The following IFNA5 variants were observed in gnomAD, a reference collection of about 807,000 sequenced individuals.
IFNA5 encodes the protein interferon alpha 5.
For missense variants in IFNA5, 267 were observed against 213.8 expected, an observed-to-expected ratio of 1.25 and a Z score of -1.55; for synonymous variants, 95 against 77.6, an observed-to-expected ratio of 1.22 and a Z score of -1.18.
At position 21,305,077 on chromosome 9, in the gene IFNA5, T is replaced by C; in HGVS notation, c.180A>G (p.Gly60=). Residue 60 remains glycine (G), a synonymous_variant, in exon 1 of 1, where the codon GGA becomes GGG. Coordinates refer to ENST00000610521, the MANE Select transcript of IFNA5 (RefSeq NM_002169.3). Reference sequence around the variant, plus strand: ...TGCCATCAAACTCCTCCTGAGGAAATCCAAAGTCATGTCTGTCCTTCAGGC... The same window carrying C: ...TGCCATCAAACTCCTCCTGAGGAAACCCAAAGTCATGTCTGTCCTTCAGGC... ...FSCLKDRHDF[G]FPQEEFDGNQ... is the part of the protein sequence containing the mutation. The C allele has an allele frequency of 6.2e-7, 1 of 1,614,210 alleles. No individual in the cohort carries two copies. The highest frequency in any genetic ancestry group is 8.5e-7 in the Non-Finnish European group (1 of 1,180,038).
chr9:21,304,577 T>A lies in IFNA5; in HGVS notation c.*110A>T. 1 of 1,302,700 alleles carries A rather than the reference T, an allele frequency of 7.7e-7. No individual in the cohort carries two copies. 80.7% of individuals were successfully genotyped at this position (1,302,700 alleles called of 1,614,324 possible). On this transcript the variant is annotated 3_prime_UTR_variant, in exon 1 of 1. Transcript: ENST00000610521. Reference sequence around the variant, plus strand: ...CGTGTGAAACGTTTGAAAATTTTGATTCAACTCAAGTCATGGATATAGCAG... The same window carrying A: ...CGTGTGAAACGTTTGAAAATTTTGAATCAACTCAAGTCATGGATATAGCAG...
Position 21,304,982 on chromosome 9 carries a change from C to A in IFNA5, c.275G>T (p.Ser92Ile). The A allele has an allele frequency of 6.2e-7, 1 of 1,614,120 alleles. No homozygotes were observed. The highest frequency in any genetic ancestry group is 1.6e-4 in the Middle Eastern group (1 of 6,062). ...EMIQQTFNLF[S>I]TKDSSATWDE... ...CCAAGTAGCAGATGAGTCCTTTGTGCTGAAGAGATTGAAGGTCTGCTGGAT... is the reference window on the plus strand; with the variant it reads ...CCAAGTAGCAGATGAGTCCTTTGTGATGAAGAGATTGAAGGTCTGCTGGAT... Residue 92 changes from serine to isoleucine, a missense_variant, in exon 1 of 1, where the codon AGC (serine) becomes ATC (isoleucine). Transcript: ENST00000610521.
chr9:21,305,271 A>G lies in IFNA5; in HGVS notation c.-15T>C. ...GGCAAGGCCATTGGGGAGGTTGCAGATGCTTCTGGGCTGTTGAGATTGAGT... is the reference window on the plus strand; with the variant it reads ...GGCAAGGCCATTGGGGAGGTTGCAGGTGCTTCTGGGCTGTTGAGATTGAGT... On this transcript the variant is annotated 5_prime_UTR_variant, in exon 1 of 1. Transcript: ENST00000610521. The G allele has an allele frequency of 6.4e-7, 1 of 1,573,778 alleles. No individual in the cohort carries two copies. Among genetic ancestry groups the G allele is most frequent in the Non-Finnish European group, 8.6e-7 (1 of 1,162,722 alleles).
Position 21,304,471 on chromosome 9 carries a change from A to T in IFNA5, c.*216T>A, listed in dbSNP as rs1383808612. On this transcript the variant is annotated 3_prime_UTR_variant, in exon 1 of 1. Transcript: ENST00000610521. The stretch of plus-strand genomic sequence containing the variant: ...GATTAGATAGAAGACAGACAGATAG[A>T]TAAATAGATAGAATAGATAGATTGG... 2 of 322,884 alleles carry T rather than the reference A, an allele frequency of 6.2e-6. No homozygotes were observed. Among genetic ancestry groups the T allele is most frequent in the African/African-American group, 4.3e-5 (2 of 46,078 alleles). 20.0% of individuals were successfully genotyped at this position (322,884 alleles called of 1,614,324 possible).
chr9:21,304,738 T>A lies in IFNA5; in HGVS notation c.519A>T (p.Arg173Ser). 1 of 1,613,496 alleles carries A rather than the reference T, an allele frequency of 6.2e-7. No homozygotes were observed. Among genetic ancestry groups the A allele is most frequent in the East Asian group, 2.2e-5 (1 of 44,886 alleles). ...GCAAGTTTGCTGATAAAGAGAAGGA[T>A]CTCATGATTTCTGCTCTGACAACCT... ...AWEVVRAEIM[R>S]SFSLSANLQE... The change falls in exon 1 of 1, where the codon AGA becomes AGT. Residue 173 changes from arginine (R) to serine (S), a missense_variant. Arg to Ser is a moderately radical substitution (Grantham distance 110). Coordinates refer to ENST00000610521, the MANE Select transcript of IFNA5 (RefSeq NM_002169.3).
chr9:21,305,248 C>T lies in IFNA5; in HGVS notation c.9G>A (p.Leu3=). The T allele has an allele frequency of 6.3e-7, 1 of 1,593,222 alleles. No homozygotes were observed. The highest frequency in any genetic ancestry group is 8.5e-7 in the Non-Finnish European group (1 of 1,171,058). ...CCAGGGCCATCAGTAAAACAAAGGG[C>T]AAGGCCATTGGGGAGGTTGCAGATG... is the stretch of plus-strand genomic sequence containing the variant. MA[L]PFVLLMALVV... is the part of the protein sequence containing the mutation. Residue 3 remains leucine (L), a synonymous_variant, in exon 1 of 1, where the codon TTG becomes TTA. Coordinates refer to ENST00000610521, the MANE Select transcript of IFNA5 (RefSeq NM_002169.3).
At position 21,304,496 on chromosome 9, in the gene IFNA5, G is replaced by A. The variant is rs1042258290; in HGVS notation, c.*191C>T. On this transcript the variant is annotated 3_prime_UTR_variant, in exon 1 of 1. Transcript: ENST00000610521. ...ATAAATAGATAGAATAGATAGATTG[G>A]CATGATCATCTGTAAAGATTTTGTC... 1.1e-4 allele frequency: 56 copies of A among 502,100 alleles called. No individual in the cohort carries two copies. The highest frequency in any genetic ancestry group is 7.0e-4 in the South Asian group (24 of 34,080). The allele number at this position is 502,100 out of a possible 1,614,324, so 31.1% of individuals were successfully genotyped here. A position where few individuals can be genotyped will look rare whatever the true frequency, so the allele number is the denominator to read the frequency against.
Position 21,305,188 on chromosome 9 carries a change from G to A in IFNA5, c.69C>T (p.Gly23=). The A allele has an allele frequency of 6.2e-7, 1 of 1,613,366 alleles. No homozygotes were observed. The highest frequency in any genetic ancestry group is 2.2e-5 in the East Asian group (1 of 44,882). ...VLNCKSICSL[G]CDLPQTHSLS... is the part of the protein sequence containing the mutation. ...GGCTGTGGGTCTGAGGCAGATCACA[G>A]CCCAGAGAACAGATTGACTTGCAGT... is the stretch of plus-strand genomic sequence containing the variant. The change falls in exon 1 of 1, where the codon GGC becomes GGT. Residue 23 remains glycine (G), a synonymous_variant. Coordinates refer to ENST00000610521, the MANE Select transcript of IFNA5 (RefSeq NM_002169.3).
At position 21,305,069 on chromosome 9, in the gene IFNA5, T is replaced by C. The variant is rs747500740; in HGVS notation, c.188A>G (p.Gln63Arg). The C allele has an allele frequency of 9.3e-6, 15 of 1,614,090 alleles. No homozygotes were observed. Among genetic ancestry groups the C allele is most frequent in the Non-Finnish European group, 1.0e-5 (12 of 1,180,032 alleles). The part of the protein sequence containing the change: ...LKDRHDFGFP[Q>R]EEFDGNQFQK... Reference sequence around the variant, plus strand: ...GAACTGGTTGCCATCAAACTCCTCCTGAGGAAATCCAAAGTCATGTCTGTC... The same window carrying C: ...GAACTGGTTGCCATCAAACTCCTCCCGAGGAAATCCAAAGTCATGTCTGTC... Residue 63 changes from glutamine to arginine, a missense_variant, in exon 1 of 1, where the codon CAG (glutamine) becomes CGG (arginine). Coordinates refer to ENST00000610521, the MANE Select transcript of IFNA5 (RefSeq NM_002169.3).
chr9:21,304,866 C>T lies in IFNA5; in HGVS notation c.391G>A (p.Asp131Asn), dbSNP rs770468406. 15 of 1,614,048 alleles carry T rather than the reference C, an allele frequency of 9.3e-6. No homozygotes were observed. The change falls in exon 1 of 1, where the codon GAC becomes AAC. Residue 131 changes from aspartate (D) to asparagine (N), a missense_variant. Physicochemically the swap from Asp to Asn is conservative, Grantham distance 23. Transcript: ENST00000610521. ...GAGTCCACATTCATCAGAGGAGTGT[C>T]TTCCACTCCAACCTCCTGCATCATA... ...ACMMQEVGVEDTPLMNVDSIL... is the reference protein window; with the variant it reads ...ACMMQEVGVENTPLMNVDSIL...
Position 21,304,767 on chromosome 9 carries a change from A to G in IFNA5, c.490T>C (p.Trp164Arg), listed in dbSNP as rs931820018. The G allele has an allele frequency of 1.2e-6, 2 of 1,614,012 alleles. No individual in the cohort carries two copies. Among genetic ancestry groups the G allele is most frequent in the Non-Finnish European group, 1.7e-6 (2 of 1,180,024 alleles). The change falls in exon 1 of 1, where the codon TGG becomes CGG. Residue 164 changes from tryptophan (W) to arginine (R), a missense_variant. Physicochemically the swap from Trp to Arg is moderately radical, Grantham distance 101. Transcript: ENST00000610521. ...LTEKKYSPCAWEVVRAEIMRS... is the reference protein window; with the variant it reads ...LTEKKYSPCAREVVRAEIMRS... ...ATGATTTCTGCTCTGACAACCTCCC[A>G]TGCACAAGGGCTGTATTTCTTCTCT...
Position 21,304,975 on chromosome 9 carries a change from C to G in IFNA5, c.282G>C (p.Lys94Asn). 3 of 1,614,122 alleles carry G rather than the reference C, an allele frequency of 1.9e-6. No homozygotes were observed. The highest frequency in any genetic ancestry group is 2.5e-6 in the Non-Finnish European group (3 of 1,180,016). ...TCTCATCCCAAGTAGCAGATGAGTC[C>G]TTTGTGCTGAAGAGATTGAAGGTCT... ...IQQTFNLFST[K>N]DSSATWDETL... The change falls in exon 1 of 1, where the codon AAG becomes AAC. Residue 94 changes from lysine (K) to asparagine (N), a missense_variant. By Grantham distance (94) the Lys-to-Asn change is moderately conservative. Coordinates refer to ENST00000610521, the MANE Select transcript of IFNA5 (RefSeq NM_002169.3).
Position 21,305,083 on chromosome 9 carries a change from G to A in IFNA5, c.174C>T (p.Asp58=). The A allele has an allele frequency of 3.1e-6, 5 of 1,614,222 alleles. No individual in the cohort carries two copies. Among genetic ancestry groups the A allele is most frequent in the Non-Finnish European group, 4.2e-6 (5 of 1,180,044 alleles). Residue 58 remains aspartate (D), a synonymous_variant, in exon 1 of 1, where the codon GAC becomes GAT. Coordinates refer to ENST00000610521, the MANE Select transcript of IFNA5 (RefSeq NM_002169.3). ...CAAACTCCTCCTGAGGAAATCCAAAGTCATGTCTGTCCTTCAGGCAGGAGA... is the reference window on the plus strand; with the variant it reads ...CAAACTCCTCCTGAGGAAATCCAAAATCATGTCTGTCCTTCAGGCAGGAGA... ...SPFSCLKDRH[D]FGFPQEEFDG...
chr9:21,305,191 C>G lies in IFNA5; in HGVS notation c.66G>C (p.Leu22=). 1 of 1,612,868 alleles carries G rather than the reference C, an allele frequency of 6.2e-7. No individual in the cohort carries two copies. Among genetic ancestry groups the G allele is most frequent in the Non-Finnish European group, 8.5e-7 (1 of 1,179,436 alleles). Residue 22 remains leucine (L), a synonymous_variant, in exon 1 of 1, where the codon CTG becomes CTC. Transcript: ENST00000610521. Reference sequence around the variant, plus strand: ...TGTGGGTCTGAGGCAGATCACAGCCCAGAGAACAGATTGACTTGCAGTTGA... The same window carrying G: ...TGTGGGTCTGAGGCAGATCACAGCCGAGAGAACAGATTGACTTGCAGTTGA... ...VVLNCKSICS[L]GCDLPQTHSL...
chr9:21,304,737 A>G lies in IFNA5; in HGVS notation c.520T>C (p.Ser174Pro), dbSNP rs370774278. Residue 174 changes from serine (S) to proline (P), a missense_variant, in exon 1 of 1, where the codon TCC becomes CCC. By Grantham distance (74) the Ser-to-Pro change is moderately conservative (BLOSUM62 -1). Coordinates refer to ENST00000610521, the MANE Select transcript of IFNA5 (RefSeq NM_002169.3). ...TGCAAGTTTGCTGATAAAGAGAAGG[A>G]TCTCATGATTTCTGCTCTGACAACC... ...WEVVRAEIMR[S>P]FSLSANLQER... is the part of the protein sequence containing the mutation. 1.1e-5 allele frequency: 18 copies of G among 1,613,390 alleles called. No homozygotes were observed. Among genetic ancestry groups the G allele is most frequent in the Admixed American group, 1.7e-5 (1 of 59,792 alleles).
chr9:21,304,644 G>A lies in IFNA5; in HGVS notation c.*43C>T, dbSNP rs1451277078. 1.3e-6 allele frequency: 2 copies of A among 1,556,822 alleles called. No homozygotes were observed. The highest frequency in any genetic ancestry group is 1.7e-6 in the Non-Finnish European group (2 of 1,145,918). ...CGGCAGAACTCAAGAAGTGTGAAAT[G>A]GTGTACTAGTCAATGAGAATCATTT... On this transcript the variant is annotated 3_prime_UTR_variant, in exon 1 of 1. Coordinates refer to ENST00000610521, the MANE Select transcript of IFNA5 (RefSeq NM_002169.3).
rs1371895977 is a variant in IFNA5, at chr9:21,304,711, T to C, written c.546A>G (p.Gln182=). 1 of 1,612,672 alleles carries C rather than the reference T, an allele frequency of 6.2e-7. No individual in the cohort carries two copies. The highest frequency in any genetic ancestry group is 2.2e-5 in the East Asian group (1 of 44,892). The change falls in exon 1 of 1, where the codon CAA becomes CAG. Residue 182 remains glutamine, a synonymous_variant. Coordinates refer to ENST00000610521, the MANE Select transcript of IFNA5 (RefSeq NM_002169.3). ...TTCATTCCTTCCTCCTTAATCTTTCTTGCAAGTTTGCTGATAAAGAGAAGG... is the reference window on the plus strand; with the variant it reads ...TTCATTCCTTCCTCCTTAATCTTTCCTGCAAGTTTGCTGATAAAGAGAAGG... ...MRSFSLSANL[Q]ERLRRKE is the part of the protein sequence containing the mutation.
Position 21,304,634 on chromosome 9 carries a change from A to T in IFNA5, c.*53T>A. 6.5e-7 allele frequency: 1 copy of T among 1,531,312 alleles called. No homozygotes were observed. Among genetic ancestry groups the T allele is most frequent in the Non-Finnish European group, 8.8e-7 (1 of 1,132,586 alleles). 94.9% of individuals were successfully genotyped at this position (1,531,312 alleles called of 1,614,324 possible). On this transcript the variant is annotated 3_prime_UTR_variant, in exon 1 of 1. Coordinates refer to ENST00000610521, the MANE Select transcript of IFNA5 (RefSeq NM_002169.3). Reference sequence around the variant, plus strand: ...ATATTTGAAACGGCAGAACTCAAGAAGTGTGAAATGGTGTACTAGTCAATG... The same window carrying T: ...ATATTTGAAACGGCAGAACTCAAGATGTGTGAAATGGTGTACTAGTCAATG...
At position 21,305,222 on chromosome 9, in the gene IFNA5, A is replaced by G. The variant is rs762284097; in HGVS notation, c.35T>C (p.Val12Ala). ...ALPFVLLMALVVLNCKSICSL... is the reference protein window; with the variant it reads ...ALPFVLLMALAVLNCKSICSL... ...ACAGATTGACTTGCAGTTGAGCACC[A>G]CCAGGGCCATCAGTAAAACAAAGGG... is the stretch of plus-strand genomic sequence containing the variant. The change falls in exon 1 of 1, where the codon GTG becomes GCG. Residue 12 changes from valine (V) to alanine (A), a missense_variant. Val to Ala is a moderately conservative substitution (Grantham distance 64). Coordinates refer to ENST00000610521, the MANE Select transcript of IFNA5 (RefSeq NM_002169.3). 1 of 1,606,722 alleles carries G rather than the reference A, an allele frequency of 6.2e-7. No homozygotes were observed. Among genetic ancestry groups the G allele is most frequent in the Admixed American group, 1.7e-5 (1 of 58,958 alleles).
Sources: gnomAD v4.1 joint callset for allele counts on GRCh38, gnomAD v4.1.1 for gene constraint, MANE v1.5 for transcripts, NCBI Gene and HGNC (gene_info 2026-07-23, HGNC 2026-07-21) for gene names.